ATOH7: variants seen among roughly 807,000 people sequenced by gnomAD.
The protein encoded by ATOH7 is transcription factor ATOH7.
ATOH7 carries 11 observed loss-of-function variants against 11.0 expected under a neutral mutation model. The observed-to-expected ratio is 1.00, with a 90% CI of 0.63 to 1.66. ATOH7 has a LOEUF of 1.66. ATOH7 is among the 40% of genes most tolerant of loss of function. The pLI is 0.00. For synonymous variants in ATOH7, 98 were observed against 98.3 expected (o/e 1.00, Z 0.02); for missense variants, 232 against 219.2 (o/e 1.06, Z -0.37).
rs2044028014 is a variant in ATOH7, at chr10:68,231,590, C to T, written c.88G>A (p.Ala30Thr). 1 of 1,181,660 alleles carries T rather than the reference C, an allele frequency of 8.5e-7. No homozygotes were observed. The highest frequency in any genetic ancestry group is 3.8e-5 in the East Asian group (1 of 26,378). The allele number at this position is 1,181,660 out of a possible 1,614,324, so 73.2% of individuals were successfully genotyped here. ...AGGTECAGTC[A>T]GAGRLESAAR... ...GCGCTCTCCAGCCGCCCGGCCCCGGCGCACGTGCCCGCGCACTCGGTGCCG... is the reference window on the plus strand; with the variant it reads ...GCGCTCTCCAGCCGCCCGGCCCCGGTGCACGTGCCCGCGCACTCGGTGCCG... Residue 30 changes from alanine to threonine, a missense_variant, in exon 1 of 1, where the codon GCC becomes ACC. Transcript: ENST00000373673.
rs571158822 is a variant in ATOH7 at position 68,231,097 on chromosome 10, A to C, written c.*122T>G. ...GCGAATAAAGGTAATCTGAGAATCG[A>C]CTAATTTTCCTCGAGGATTGCATCC... On this transcript the variant is annotated 3_prime_UTR_variant, in exon 1 of 1. Coordinates refer to ENST00000373673, the MANE Select transcript of ATOH7 (RefSeq NM_145178.4). 14 of 992,562 alleles carry C rather than the reference A, an allele frequency of 1.4e-5. No homozygotes were observed. In the South Asian group the frequency reaches 2.6e-4, roughly 19 times the overall value. 61.5% of individuals were successfully genotyped at this position (992,562 alleles called of 1,614,324 possible).
Position 68,231,299 on chromosome 10 carries a change from C to T in ATOH7, c.379G>A (p.Ala127Thr). ...AGCTCGCTCTCGCCCGGCAGCTTCG[C>T]GCCCGGGAACGGGAGGTAGTGGTCG... is the stretch of plus-strand genomic sequence containing the variant. ...GRDHYLPFPG[A>T]KLPGESELYS... The change falls in exon 1 of 1, where the codon GCG becomes ACG. Residue 127 changes from alanine (A) to threonine (T), a missense_variant. Ala to Thr is a moderately conservative substitution (Grantham distance 58, BLOSUM62 0). Coordinates refer to ENST00000373673, the MANE Select transcript of ATOH7 (RefSeq NM_145178.4). The T allele has an allele frequency of 6.2e-7, 1 of 1,611,266 alleles. No homozygotes were observed.
In ATOH7 at chr10:68,231,059, T is replaced by G. The variant is rs1231990737; in HGVS notation, c.*160A>C. 1.6e-6 allele frequency: 1 copy of G among 638,434 alleles called. No homozygotes were observed. Among genetic ancestry groups the G allele is most frequent in the African/African-American group, 1.9e-5 (1 of 52,474 alleles). The allele number at this position is 638,434 out of a possible 1,614,324, so 39.5% of individuals were successfully genotyped here. ...AAAGGCAATTAAATGATTGCGTCCATAGGTCTGATGATGCGAATAAAGGTA... is the reference window on the plus strand; with the variant it reads ...AAAGGCAATTAAATGATTGCGTCCAGAGGTCTGATGATGCGAATAAAGGTA... On this transcript the variant is annotated 3_prime_UTR_variant, in exon 1 of 1. Transcript: ENST00000373673.
rs1165012957 is a variant in ATOH7 at position 68,230,894 on chromosome 10, G to T, written c.*325C>A. The T allele has an allele frequency of 3.4e-6, 1 of 291,006 alleles. No individual in the cohort carries two copies. The highest frequency in any genetic ancestry group is 2.2e-5 in the African/African-American group (1 of 45,944). 18.0% of individuals were successfully genotyped at this position (291,006 alleles called of 1,614,324 possible). ...TTTCTCTGAGGACTGGAACAGAATA[G>T]CTTAATCCTATTTTTCTTAAGATTG... is the stretch of plus-strand genomic sequence containing the variant. On this transcript the variant is annotated 3_prime_UTR_variant, in exon 1 of 1. Transcript: ENST00000373673.
rs1385959537 is a variant in ATOH7, at chr10:68,231,440, CGTACTT to C, written c.232_237del (p.Lys78_Tyr79del). 1.2e-6 allele frequency: 2 copies of C among 1,611,794 alleles called. No individual in the cohort carries two copies. The highest frequency in any genetic ancestry group is 1.7e-6 in the Non-Finnish European group (2 of 1,179,116). On this transcript the variant is annotated inframe_deletion, in exon 1 of 1. Transcript: ENST00000373673. ...TAGCTCAGGGCCATCTGCAGGGTCT[CGTACTT>C]GGACAGCTTTTTATCCTGGCCCCAC...
chr10:68,230,995 T>C lies in ATOH7; in HGVS notation c.*224A>G. 2.2e-6 allele frequency: 1 copy of C among 451,600 alleles called. No homozygotes were observed. The highest frequency in any genetic ancestry group is 2.0e-5 in the African/African-American group (1 of 49,354). 28.0% of individuals were successfully genotyped at this position (451,600 alleles called of 1,614,324 possible). A position where few individuals can be genotyped will look rare whatever the true frequency, so the allele number is the denominator to read the frequency against. ...GCAATCAACCCATTCACAAGATCCA[T>C]TAATGAAATCTACAAAATACAAAGG... On this transcript the variant is annotated 3_prime_UTR_variant, in exon 1 of 1. Transcript: ENST00000373673.
Position 68,231,217 on chromosome 10 carries a change from C to G in ATOH7, c.*2G>C. ...ACACCCACCCCCGCGGAGGCGCGCG[C>G]CCTAGGTGGCCATCTGGAAGGGCTC... is the stretch of plus-strand genomic sequence containing the variant. On this transcript the variant is annotated 3_prime_UTR_variant, in exon 1 of 1. Transcript: ENST00000373673. The G allele has an allele frequency of 6.6e-7, 1 of 1,525,304 alleles. No individual in the cohort carries two copies. Among genetic ancestry groups the G allele is most frequent in the South Asian group, 1.2e-5 (1 of 81,666 alleles). The allele number at this position is 1,525,304 out of a possible 1,614,324, so 94.5% of individuals were successfully genotyped here.
In ATOH7 at chr10:68,231,131, C is replaced by T; in HGVS notation, c.*88G>A. On this transcript the variant is annotated 3_prime_UTR_variant, in exon 1 of 1. Transcript: ENST00000373673. ...CCTCGAGGATTGCATCCTTAGAATC[C>T]TGGGCCGCCGGAGGCTTCTGGGCTA... The T allele has an allele frequency of 4.7e-6, 6 of 1,285,094 alleles. No individual in the cohort carries two copies. The highest frequency in any genetic ancestry group is 5.1e-6 in the Non-Finnish European group (5 of 979,182). The allele number at this position is 1,285,094 out of a possible 1,614,324, so 79.6% of individuals were successfully genotyped here.
At position 68,231,985 on chromosome 10, in the gene ATOH7, G is replaced by C. The variant is rs569365534; in HGVS notation, c.-308C>G. The stretch of plus-strand genomic sequence containing the variant: ...AGGAAACCTTCTGCAGCAGAGTTTG[G>C]TGTGGCTGGTTCGAGGAAGGCCTTT... On this transcript the variant is annotated 5_prime_UTR_variant, in exon 1 of 1. Transcript: ENST00000373673. 26 of 172,882 alleles carry C rather than the reference G, an allele frequency of 1.5e-4. No individual in the cohort carries two copies. Among genetic ancestry groups the C allele is most frequent in the Non-Finnish European group, 2.8e-4 (20 of 71,848 alleles). The allele number at this position is 172,882 out of a possible 1,614,324, so 10.7% of individuals were successfully genotyped here. A position where few individuals can be genotyped will look rare whatever the true frequency, so the allele number is the denominator to read the frequency against.
At position 68,231,453 on chromosome 10, in the gene ATOH7, C is replaced by T. The variant is rs747495757; in HGVS notation, c.225G>A (p.Lys75=). Residue 75 remains lysine (K), a synonymous_variant, in exon 1 of 1, where the codon AAG becomes AAA. Coordinates refer to ENST00000373673, the MANE Select transcript of ATOH7 (RefSeq NM_145178.4). ...RVVPQWGQDK[K]LSKYETLQMA... ...TCTGCAGGGTCTCGTACTTGGACAG[C>T]TTTTTATCCTGGCCCCACTGGGGAA... The T allele has an allele frequency of 1.9e-6, 3 of 1,608,758 alleles. No homozygotes were observed.
At position 68,231,365 on chromosome 10, in the gene ATOH7, C is replaced by A; in HGVS notation, c.313G>T (p.Glu105Ter). The A allele has an allele frequency of 6.2e-7, 1 of 1,613,772 alleles. No homozygotes were observed. Among genetic ancestry groups the A allele is most frequent in the East Asian group, 2.2e-5 (1 of 44,872 alleles). ...ILAEAERFGSERDWVGLHCEH... is the reference protein window; with the variant it reads ...ILAEAERFGS ...CAGTGGAGACCCACCCAGTCCCGCT[C>A]CGAGCCGAATCGCTCGGCCTCGGCC... The change falls in exon 1 of 1, where the codon GAG becomes TAG. Residue 105 changes from glutamate to a stop codon, truncating the protein, a stop_gained. Transcript: ENST00000373673. LOFTEE classifies it high-confidence loss of function.
At position 68,231,167 on chromosome 10, in the gene ATOH7, G is replaced by T. The variant is rs2044023877; in HGVS notation, c.*52C>A. 4.9e-6 allele frequency: 7 copies of T among 1,432,054 alleles called. No homozygotes were observed. Among genetic ancestry groups the T allele is most frequent in the Non-Finnish European group, 6.4e-6 (7 of 1,090,990 alleles). The allele number at this position is 1,432,054 out of a possible 1,614,324, so 88.7% of individuals were successfully genotyped here. ...GAGGCTTCTGGGCTACTTGGGGCAGGGCCGAGGCTCGGAGCGGCTGCCGGA... is the reference window on the plus strand; with the variant it reads ...GAGGCTTCTGGGCTACTTGGGGCAGTGCCGAGGCTCGGAGCGGCTGCCGGA... On this transcript the variant is annotated 3_prime_UTR_variant, in exon 1 of 1. Coordinates refer to ENST00000373673, the MANE Select transcript of ATOH7 (RefSeq NM_145178.4).
chr10:68,231,521 T>C lies in ATOH7; in HGVS notation c.157A>G (p.Met53Val), dbSNP rs1199571386. The change falls in exon 1 of 1, where the codon ATG becomes GTG. Residue 53 changes from methionine to valine, a missense_variant. Coordinates refer to ENST00000373673, the MANE Select transcript of ATOH7 (RefSeq NM_145178.4). ...TCGAAGGCAGTGTTGAGCCCCTGCA[T>C]GCGGCGGCGCTCGCGCGCGTTGGCC... ...LAANARERRRMQGLNTAFDRL... is the reference protein window; with the variant it reads ...LAANARERRRVQGLNTAFDRL... The C allele has an allele frequency of 5.8e-6, 8 of 1,368,702 alleles. No individual in the cohort carries two copies. The South Asian group carries it at 6.1e-5, about 11-fold the overall frequency. 84.8% of individuals were successfully genotyped at this position (1,368,702 alleles called of 1,614,324 possible). A position where few individuals can be genotyped will look rare whatever the true frequency, so the allele number is the denominator to read the frequency against.
At position 68,231,183 on chromosome 10, in the gene ATOH7, G is replaced by C. The variant is rs748745867; in HGVS notation, c.*36C>G. ...TTGGGGCAGGGCCGAGGCTCGGAGC[G>C]GCTGCCGGACACCCACCCCCGCGGA... On this transcript the variant is annotated 3_prime_UTR_variant, in exon 1 of 1. Coordinates refer to ENST00000373673, the MANE Select transcript of ATOH7 (RefSeq NM_145178.4). 2 of 1,458,404 alleles carry C rather than the reference G, an allele frequency of 1.4e-6. No individual in the cohort carries two copies. The highest frequency in any genetic ancestry group is 5.2e-5 in the East Asian group (2 of 38,422). The allele number at this position is 1,458,404 out of a possible 1,614,324, so 90.3% of individuals were successfully genotyped here. A position where few individuals can be genotyped will look rare whatever the true frequency, so the allele number is the denominator to read the frequency against.
At position 68,231,466 on chromosome 10, in the gene ATOH7, C is replaced by A. The variant is rs1239371642; in HGVS notation, c.212G>T (p.Gly71Val). 3 of 1,603,876 alleles carry A rather than the reference C, an allele frequency of 1.9e-6. No individual in the cohort carries two copies. The highest frequency in any genetic ancestry group is 1.7e-5 in the Admixed American group (1 of 58,920). Reference sequence around the variant, plus strand: ...GTACTTGGACAGCTTTTTATCCTGGCCCCACTGGGGAACCACCCTGCGTAA... The same window carrying A: ...GTACTTGGACAGCTTTTTATCCTGGACCCACTGGGGAACCACCCTGCGTAA... ...DRLRRVVPQW[G>V]QDKKLSKYET... is the part of the protein sequence containing the mutation. The change falls in exon 1 of 1, where the codon GGC (glycine) becomes GTC (valine). Residue 71 changes from glycine (G) to valine (V), a missense_variant. Transcript: ENST00000373673.
Position 68,231,005 on chromosome 10 carries a change from C to A in ATOH7, c.*214G>T, listed in dbSNP as rs548790876. On this transcript the variant is annotated 3_prime_UTR_variant, in exon 1 of 1. Coordinates refer to ENST00000373673, the MANE Select transcript of ATOH7 (RefSeq NM_145178.4). ...CATTCACAAGATCCATTAATGAAAT[C>A]TACAAAATACAAAGGAGGAGGGGAA... 33 of 467,676 alleles carry A rather than the reference C, an allele frequency of 7.1e-5. No homozygotes were observed. Among genetic ancestry groups the A allele is most frequent in the African/African-American group, 5.6e-4 (28 of 49,596 alleles). The allele number at this position is 467,676 out of a possible 1,614,324, so 29.0% of individuals were successfully genotyped here.
Position 68,231,304 on chromosome 10 carries a change from G to A in ATOH7, c.374C>T (p.Pro125Leu). ...GCTCTCGCCCGGCAGCTTCGCGCCCGGGAACGGGAGGTAGTGGTCGCGGCC... is the reference window on the plus strand; with the variant it reads ...GCTCTCGCCCGGCAGCTTCGCGCCCAGGAACGGGAGGTAGTGGTCGCGGCC... ...HFGRDHYLPF[P>L]GAKLPGESEL... The change falls in exon 1 of 1, where the codon CCG (proline) becomes CTG (leucine). Residue 125 changes from proline (P) to leucine (L), a missense_variant. By Grantham distance (98) the Pro-to-Leu change is moderately conservative. Coordinates refer to ENST00000373673, the MANE Select transcript of ATOH7 (RefSeq NM_145178.4). 3 of 1,611,938 alleles carry A rather than the reference G, an allele frequency of 1.9e-6. No homozygotes were observed. In the South Asian group the frequency reaches 3.3e-5, roughly 18 times the overall value.
rs753840885 is a variant in ATOH7 at position 68,231,488 on chromosome 10, G to C, written c.190C>G (p.Arg64Gly). Residue 64 changes from arginine (R) to glycine (G), a missense_variant, in exon 1 of 1, where the codon CGC becomes GGC. Transcript: ENST00000373673. ...TGGCCCCACTGGGGAACCACCCTGC[G>C]TAAGCGGTCGAAGGCAGTGTTGAGC... ...QGLNTAFDRLRRVVPQWGQDK... is the reference protein window; with the variant it reads ...QGLNTAFDRLGRVVPQWGQDK... 1.7e-5 allele frequency: 27 copies of C among 1,595,592 alleles called. No homozygotes were observed. Among genetic ancestry groups the C allele is most frequent in the Non-Finnish European group, 2.2e-5 (26 of 1,171,504 alleles).
rs767034484 is a variant in ATOH7, at chr10:68,231,558, G to A, written c.120C>T (p.Arg40=). 2.4e-6 allele frequency: 3 copies of A among 1,276,224 alleles called. No homozygotes were observed. Among genetic ancestry groups the A allele is most frequent in the East Asian group, 6.0e-5 (2 of 33,524 alleles). The allele number at this position is 1,276,224 out of a possible 1,614,324, so 79.1% of individuals were successfully genotyped here. Residue 40 remains arginine (R), a synonymous_variant, in exon 1 of 1, where the codon CGC becomes CGT. Coordinates refer to ENST00000373673, the MANE Select transcript of ATOH7 (RefSeq NM_145178.4). The part of the protein sequence containing the change: ...AGAGRLESAA[R]RRLAANARER... Reference sequence around the variant, plus strand: ...CGCGCGCGTTGGCCGCCAGGCGCCTGCGCGCCGCGCTCTCCAGCCGCCCGG... The same window carrying A: ...CGCGCGCGTTGGCCGCCAGGCGCCTACGCGCCGCGCTCTCCAGCCGCCCGG...
Sources: allele counts gnomAD v4.1 joint callset, GRCh38; gene constraint gnomAD v4.1.1; transcripts MANE v1.5; gene names NCBI Gene and HGNC (gene_info 2026-07-23, HGNC 2026-07-21).